ATF7IP2: variants seen among roughly 807,000 people sequenced by gnomAD.
ATF7IP2 encodes activating transcription factor 7-interacting protein 2.
Under a neutral mutation model 64.2 loss-of-function variants are expected in ATF7IP2, and 42 were observed. The observed-to-expected ratio is 0.65, with a 90% CI of 0.51 to 0.85. The LOEUF (loss-of-function observed/expected upper bound fraction) is 0.85, where lower values mean the gene tolerates loss of function less well. Ranked by LOEUF, ATF7IP2 falls within the 40% of genes least tolerant of loss-of-function variation. The probability of loss-of-function intolerance (pLI) is 0.00; values close to 1 mark genes in which losing one functional copy is unlikely to be tolerated. For missense variants in ATF7IP2, 933 were observed against 784.2 expected (o/e 1.19, Z -2.27); for synonymous variants, 308 against 272.8 (o/e 1.13, Z -1.27).
At chr16:10,443,986 A>C (rs1247233680) in intron 8 of ATF7IP2, among the ~76,000 whole-genome samples, 2 of 152,186 alleles carry the variant, frequency 1.3e-5, no homozygotes, top group African/African-American at 4.8e-5. Context: ...CAAGAGCTAC[A>C]GGGTTTCAAA....
chr16:10,443,156 C>T (rs2141943116), intron 8 of ATF7IP2, among the ~76,000 whole-genome samples: 1 of 152,352 alleles, frequency 6.6e-6, no homozygotes, highest in African/African-American at 2.4e-5. Flanking sequence ...TACCACAACA[C>T]ATCCACTCGA....
chr16:10,434,889 C>T (rs2048367903), intron 6 of ATF7IP2, among the ~76,000 whole-genome samples: 1 of 152,156 alleles, frequency 6.6e-6, no homozygotes, highest in African/African-American at 2.4e-5. Context: ...CCTCCACCTC[C>T]TGAGTAGTTG....
At chr16:10,397,260 G>C (rs1012893503) in intron 1 of ATF7IP2, among the ~76,000 whole-genome samples, 2 of 152,100 alleles carry the variant, frequency 1.3e-5, no homozygotes, top group Non-Finnish European at 2.9e-5. Flanking sequence ...TGTCTAGTAT[G>C]ATCCCTCCAG....
intron 1 of ATF7IP2, among the ~76,000 whole-genome samples, chr16:10,389,196 G>A (rs1358396125): frequency 1.3e-5 from 2 of 152,242 alleles, no homozygotes; most frequent in Non-Finnish European, 2.9e-5. Flanking sequence ...AGGTTCAGTT[G>A]ATATCTCCAG....
At chr16:10,458,738 A>T (rs2049267277) in intron 9 of ATF7IP2, among the ~76,000 whole-genome samples, 1 of 152,250 alleles carries the variant, frequency 6.6e-6, no homozygotes, top group South Asian at 2.1e-4. Flanking sequence ...AGTATTATAA[A>T]ATCAATTTTT....
rs781217020 is a variant in ATF7IP2 at position 10,473,449 on chromosome 16, T to C, written c.1427-30T>C. ...CACAAAGCCCATAAATATTGTGTAATAAATTTGTCAAATGTCTAATTTCTT... is the reference window on the plus strand; with the variant it reads ...CACAAAGCCCATAAATATTGTGTAACAAATTTGTCAAATGTCTAATTTCTT... On this transcript the variant is annotated intron_variant, in intron 10 of 13. Transcript: ENST00000562102. 5.1e-6 allele frequency: 7 copies of C among 1,381,452 alleles called. No individual in the cohort carries two copies. The Admixed American group carries it at 1.2e-4, about 25-fold the overall frequency. The allele number at this position is 1,381,452 out of a possible 1,614,324, so 85.6% of individuals were successfully genotyped here.
chr16:10,451,537 T>G (rs550476797), intron 8 of ATF7IP2, among the ~76,000 whole-genome samples: 1 of 152,220 alleles, frequency 6.6e-6, no homozygotes, highest in African/African-American at 2.4e-5. Context: ...CTTTTTTCTC[T>G]AATCTTGTCT....
At chr16:10,443,168 G>T (rs1056404969) in intron 8 of ATF7IP2, among the ~76,000 whole-genome samples, 2 of 152,188 alleles carry the variant, frequency 1.3e-5, no homozygotes, top group African/African-American at 4.8e-5. Context: ...TCCACTCGAG[G>T]ATGAGTAAGG....
chr16:10,431,075 C>A lies in ATF7IP2; in HGVS notation c.455C>A (p.Thr152Lys). The change falls in exon 5 of 14, where the codon ACA becomes AAA. Residue 152 changes from threonine to lysine, a missense_variant. By Grantham distance (78) the Thr-to-Lys change is moderately conservative. Transcript: ENST00000562102. ...GATTCTGAGCATCAGACAAATGTAA[C>A]AAGATCCCTTTTTGAGCATGAGGGG... ...ENDSEHQTNV[T>K]RSLFEHEGAC... 1 of 1,614,110 alleles carries A rather than the reference C, an allele frequency of 6.2e-7. No individual in the cohort carries two copies. The highest frequency in any genetic ancestry group is 1.1e-5 in the South Asian group (1 of 91,082).
intron 8 of ATF7IP2, among the ~76,000 whole-genome samples, chr16:10,443,318 G>A (rs1038985757): frequency 6.6e-6 from 1 of 152,168 alleles, no homozygotes; most frequent in Non-Finnish European, 1.5e-5. Flanking sequence ...GTGGCCCTCA[G>A]GGACTGACCT....
intron 1 of ATF7IP2, among the ~76,000 whole-genome samples, chr16:10,399,870 T>C (rs952129790): frequency 6.6e-6 from 1 of 152,218 alleles, no homozygotes; most frequent in Non-Finnish European, 1.5e-5. Context: ...TGTCAGTGTT[T>C]TATAGTTTTT....
At chr16:10,418,929 A>G (rs150623129) in intron 2 of ATF7IP2, among the ~76,000 whole-genome samples, 39 of 152,336 alleles carry the variant, frequency 2.6e-4, no homozygotes, top group African/African-American at 8.4e-4. Context: ...TGTTCAGACC[A>G]ACTGAACATA....
intron 9 of ATF7IP2, among the ~76,000 whole-genome samples, chr16:10,467,878 CTT>C (rs111532750): frequency 5.2e-4 from 66 of 127,344 alleles, no homozygotes; most frequent in Admixed American, 8.8e-4. Flanking sequence ...ATCAAATATT[CTT>C]TTTTTTTTTT....
chr16:10,469,557 C>G (rs1304468481), intron 9 of ATF7IP2, among the ~76,000 whole-genome samples: 2 of 152,078 alleles, frequency 1.3e-5, no homozygotes, highest in Non-Finnish European at 2.9e-5. Context: ...ACAAAAGACA[C>G]ATCACATAGA....
chr16:10,438,416 T>G (rs1303946209), intron 7 of ATF7IP2, among the ~76,000 whole-genome samples, 181 bp downstream of exon 7: 2 of 150,120 alleles, frequency 1.3e-5, no homozygotes, highest in Non-Finnish European at 3.0e-5. Context: ...TGCTAATTTT[T>G]GGGTTTTTTT....
chr16:10,448,739 G>A (rs766053892), intron 8 of ATF7IP2: 2 of 151,534 alleles, frequency 1.3e-5, no homozygotes, highest in Non-Finnish European at 3.0e-5. Flanking sequence ...TCTAAAAATT[G>A]CATGTTATCT....
rs1567176809 is a variant in ATF7IP2 at position 10,473,936 on chromosome 16, AACTTGATTCTAT to A, written c.1498_1509del (p.Leu500_Ile503del). 1 of 1,588,566 alleles carries A rather than the reference AACTTGATTCTAT, an allele frequency of 6.3e-7. No individual in the cohort carries two copies. Among genetic ancestry groups the A allele is most frequent in the East Asian group, 2.2e-5 (1 of 44,616 alleles). ...CAATTTTTTTAGGCTGTACAGAAGA[AACTTGATTCTAT>A]AATTGATTTGACAAAAGAAGGCCTA... On this transcript the variant is annotated inframe_deletion, in exon 12 of 14. Transcript: ENST00000562102.
In ATF7IP2 at chr16:10,408,942, G is replaced by T. The variant is rs185035389; in HGVS notation, c.-241-5632G>T. ...GTCAATGTCTATGTTGGAGATAAAT[G>T]CTCGGTTCGCAAAGTGAAACCAGCA... On this transcript the variant is annotated intron_variant, in intron 1 of 13. Transcript: ENST00000562102. Among the ~76,000 whole-genome samples, 5 of 152,290 alleles carry T rather than the reference G, an allele frequency of 3.3e-5. No homozygotes were observed. In the East Asian group the frequency reaches 5.8e-4, roughly 18 times the overall value.
chr16:10,462,216 A>C (rs2049396875), intron 9 of ATF7IP2, among the ~76,000 whole-genome samples: 1 of 151,848 alleles, frequency 6.6e-6, no homozygotes, highest in African/African-American at 2.4e-5. Flanking sequence ...GTGCGTTTCG[A>C]TTTTACATTA....
Sources: allele counts gnomAD v4.1 joint callset (sites outside exome capture counted in the v4.1 genomes callset), GRCh38; gene constraint gnomAD v4.1.1; transcripts MANE v1.5; gene names NCBI Gene and HGNC (gene_info 2026-07-23, HGNC 2026-07-21).